ROBO2: variants seen among roughly 807,000 people sequenced by gnomAD.
ROBO2 encodes roundabout homolog 2.
Under a neutral mutation model 160.8 loss-of-function variants are expected in ROBO2, and 53 were observed. The ratio of observed to expected loss-of-function variants is 0.33; its 90% CI spans 0.26 to 0.41. ROBO2 has a LOEUF of 0.41. Ranked by LOEUF, ROBO2 falls within the 10% of genes least tolerant of loss-of-function variation. The pLI, the probability that ROBO2 is intolerant of heterozygous loss-of-function variation, is 1.00. For missense variants in ROBO2, 1,577 were observed against 1,722.4 expected, an observed-to-expected ratio of 0.92 and a Z score of 1.49; for synonymous variants, 664 against 611.7, an observed-to-expected ratio of 1.09 and a Z score of -1.26.
intron 2 of ROBO2, among the ~76,000 whole-genome samples, chr3:76,715,457 A>G (rs1438480005): frequency 1.3e-5 from 2 of 152,208 alleles, no homozygotes; most frequent in East Asian, 1.9e-4. Flanking sequence ...GGTGCAGTCT[A>G]GCTCAGTAGC....
At chr3:76,267,349 A>G (rs933053707) in intron 2 of ROBO2, among the ~76,000 whole-genome samples, 13 of 152,172 alleles carry the variant, frequency 8.5e-5, no homozygotes, top group African/African-American at 2.9e-4. Context: ...GCCCTGCTAG[A>G]CTTTTATGAT....
intron 2 of ROBO2, among the ~76,000 whole-genome samples, chr3:76,397,984 C>G (rs1364098147): frequency 6.6e-6 from 1 of 152,002 alleles, no homozygotes; most frequent in African/African-American, 2.4e-5. Flanking sequence ...GGTATATACC[C>G]AAAGGATTAT....
intron 2 of ROBO2, among the ~76,000 whole-genome samples, chr3:77,347,217 A>G (rs1432931857): frequency 6.6e-6 from 1 of 152,196 alleles, no homozygotes; most frequent in African/African-American, 2.4e-5. Context: ...GCTAATTGCA[A>G]GTACACCATA....
At chr3:76,412,586 A>G (rs1559905925) in intron 2 of ROBO2, among the ~76,000 whole-genome samples, 3 of 152,314 alleles carry the variant, frequency 2.0e-5, no homozygotes, top group South Asian at 2.1e-4. Flanking sequence ...GCCCAAACAA[A>G]GGGGCTACAA....
chr3:76,041,927 G>C (rs751053359), intron 2 of ROBO2, among the ~76,000 whole-genome samples: 2 of 151,384 alleles, frequency 1.3e-5, no homozygotes, highest in Admixed American at 1.3e-4. Flanking sequence ...TTGATCATCG[G>C]AAATCTCAGA....
At chr3:77,639,139 TAGTTCTTA>T (rs991818943) in intron 24 of ROBO2, among the ~76,000 whole-genome samples, 4 of 152,162 alleles carry the variant, frequency 2.6e-5, no homozygotes, top group Non-Finnish European at 5.9e-5. Context: ...CCCTTTCCCC[TAGTTCTTA>T]ATGTCCTGTT....
At position 76,306,687 on chromosome 3, in the gene ROBO2, T is replaced by C. The variant is rs890270255; in HGVS notation, c.109+369085T>C. On this transcript the variant is annotated intron_variant, in intron 2 of 26. Transcript: ENST00000487694. ...ATTTGTAACTAAATTCTTAAGGATA[T>C]AAGCATTTTGATAACAGGGACTTTG... Among the ~76,000 whole-genome samples the C allele has an allele frequency of 3.9e-5, 6 of 152,202 alleles. No individual in the cohort carries two copies. The East Asian group carries it at 1.2e-3, about 29-fold the overall frequency.
At chr3:77,070,404 G>A (rs71322783) in intron 1 of ROBO2, among the ~76,000 whole-genome samples, 1 of 152,104 alleles carries the variant, frequency 6.6e-6, no homozygotes, top group Non-Finnish European at 1.5e-5. Flanking sequence ...TCCACTGTGT[G>A]AGTGTGTGTG....
chr3:77,562,611 G>T lies in ROBO2; in HGVS notation c.1438-40G>T, dbSNP rs2093357226. On this transcript the variant is annotated intron_variant, in intron 9 of 25. Coordinates refer to ENST00000461745, the Ensembl canonical transcript of ROBO2. ...TCATTGAGTAATTATTCTGCAAATTGACTGAAACAATTTAATTCTCTCCCT... is the reference window on the plus strand; with the variant it reads ...TCATTGAGTAATTATTCTGCAAATTTACTGAAACAATTTAATTCTCTCCCT... 5 of 1,417,634 alleles carry T rather than the reference G, an allele frequency of 3.5e-6. No individual in the cohort carries two copies. In the South Asian group the frequency reaches 4.6e-5, roughly 13 times the overall value. The allele number at this position is 1,417,634 out of a possible 1,614,324, so 87.8% of individuals were successfully genotyped here.
intron 2 of ROBO2, among the ~76,000 whole-genome samples, chr3:76,466,110 A>G (rs1489344573): frequency 6.6e-6 from 1 of 151,816 alleles, no homozygotes; most frequent in Admixed American, 6.6e-5. Context: ...CTTGCAACAA[A>G]GTACCTATAT....
intron 2 of ROBO2, among the ~76,000 whole-genome samples, chr3:76,408,378 T>C (rs1260292864): frequency 3.9e-5 from 6 of 152,254 alleles, no homozygotes; most frequent in Middle Eastern, 3.4e-3. Flanking sequence ...TTGCTCCAAA[T>C]ACAGATAACT....
intron 2 of ROBO2, among the ~76,000 whole-genome samples, chr3:76,328,592 G>C (rs2073211972): frequency 6.6e-6 from 1 of 152,016 alleles, no homozygotes; most frequent in African/African-American, 2.4e-5. Flanking sequence ...CAGGCGCGGT[G>C]GCTCACGCCT....
intron 2 of ROBO2, among the ~76,000 whole-genome samples, chr3:76,109,359 A>T (rs1311414826): frequency 1.3e-5 from 2 of 152,114 alleles, no homozygotes; most frequent in Non-Finnish European, 2.9e-5. Context: ...AAATCATGGC[A>T]GTATGGGTTT....
At chr3:77,283,644 A>T (rs567870509) in intron 2 of ROBO2, among the ~76,000 whole-genome samples, 1 of 152,182 alleles carries the variant, frequency 6.6e-6, no homozygotes, top group East Asian at 1.9e-4. Flanking sequence ...TCCTTTAGTA[A>T]CTCCTAGATC....
intron 4 of ROBO2, among the ~76,000 whole-genome samples, chr3:77,486,464 G>A (rs542114278): frequency 6.6e-6 from 1 of 152,228 alleles, no homozygotes; most frequent in African/African-American, 2.4e-5. Context: ...CATTCTGACT[G>A]GCATGAGATG....
At position 76,630,612 on chromosome 3, in the gene ROBO2, ATGT is replaced by A. The variant is rs199519348; in HGVS notation, c.110-467400_110-467398del. The stretch of plus-strand genomic sequence containing the variant: ...AGAAGTTTCTAAGAACCTATGGATG[ATGT>A]TAGGTGAAAACTTACTGTATCATGC... On this transcript the variant is annotated intron_variant, in intron 2 of 26. Coordinates refer to the ROBO2 transcript ENST00000487694. Among the ~76,000 whole-genome samples, 1,004 of 152,332 alleles carry A rather than the reference ATGT, an allele frequency of 6.6e-3. 3 individuals carry two copies. The highest frequency in any genetic ancestry group is 9.1e-3 in the South Asian group (44 of 4,824).
chr3:77,519,419 T>G (rs1034503208), intron 5 of ROBO2, among the ~76,000 whole-genome samples: 1 of 151,336 alleles, frequency 6.6e-6, no homozygotes, highest in African/African-American at 2.4e-5. Context: ...GTATATAGTG[T>G]GACAGTGAGG....
intron 2 of ROBO2, among the ~76,000 whole-genome samples, chr3:76,480,185 C>A (rs1392866830): frequency 1.3e-5 from 2 of 152,106 alleles, no homozygotes; most frequent in Non-Finnish European, 2.9e-5. Context: ...TGTTTCTATT[C>A]CTGAATATCT....
At chr3:77,017,777 A>C (rs1406399913) in intron 2 of ROBO2, among the ~76,000 whole-genome samples, 2 of 151,892 alleles carry the variant, frequency 1.3e-5, no homozygotes, top group Non-Finnish European at 2.9e-5. Context: ...CTGCACCCTA[A>C]TTTGTAATGA....
Sources: gnomAD v4.1 joint callset for allele counts (sites outside exome capture counted in the v4.1 genomes callset) on GRCh38, gnomAD v4.1.1 for gene constraint, MANE v1.5 for transcripts, NCBI Gene and HGNC (gene_info 2026-07-23, HGNC 2026-07-21) for gene names.